Variants in RICTOR observed in about 807,000 individuals in gnomAD.
RICTOR encodes the protein RPTOR independent companion of MTOR complex 2.
Under a neutral mutation model 214.9 loss-of-function variants are expected in RICTOR, and 49 were observed. That is an observed-to-expected ratio of 0.23 (90% confidence interval 0.18 to 0.29). RICTOR has a LOEUF of 0.29. RICTOR is among the 10% of genes least tolerant of loss of function. RICTOR has a pLI of 1.00. For synonymous variants in RICTOR, 717 were observed against 711.3 expected, an observed-to-expected ratio of 1.01 and a Z score of -0.13; for missense variants, 1,625 against 2,047.0, an observed-to-expected ratio of 0.79 and a Z score of 3.98.
At chr5:38,986,373 A>G (rs933623798) in intron 7 of RICTOR, among the ~76,000 whole-genome samples, 2 of 152,182 alleles carry the variant, frequency 1.3e-5, no homozygotes, top group African/African-American at 2.4e-5. Context: ...CAAGGAGTTC[A>G]TAATAGTGTG....
At chr5:39,003,510 A>G (rs1196477779) in intron 4 of RICTOR, 48 bp downstream of exon 4, 1 of 1,207,854 alleles carries the variant, frequency 8.3e-7, no homozygotes, top group Non-Finnish European at 1.2e-6. Context: ...TAAAATTAAA[A>G]TTACTAAAAT....
At chr5:39,058,861 G>A (rs191770216) in intron 2 of RICTOR, among the ~76,000 whole-genome samples, 2 of 151,876 alleles carry the variant, frequency 1.3e-5, no homozygotes, top group East Asian at 3.9e-4. Flanking sequence ...CTGTAGTTTT[G>A]AAGTCTTTAT....
intron 2 of RICTOR, among the ~76,000 whole-genome samples, chr5:39,071,342 T>C (rs1422131663): frequency 1.3e-5 from 2 of 151,858 alleles, no homozygotes; most frequent in African/African-American, 2.4e-5. Flanking sequence ...TATAACAGTA[T>C]GTTTCAAAAA....
intron 2 of RICTOR, among the ~76,000 whole-genome samples, chr5:39,038,165 A>C (rs909732042): frequency 4.6e-5 from 7 of 152,224 alleles, no homozygotes; most frequent in Admixed American, 1.3e-4. Flanking sequence ...CTGGTTCAAC[A>C]TATGCAAATC....
Position 38,976,125 on chromosome 5 carries a change from GT to G in RICTOR, c.822-522del, listed in dbSNP as rs1052180149. Among the ~76,000 whole-genome samples, 77 of 152,266 alleles carry G rather than the reference GT, an allele frequency of 5.1e-4. 1 individual carries two copies. The highest frequency in any genetic ancestry group is 1.8e-3 in the African/African-American group (74 of 41,540). On this transcript the variant is annotated intron_variant, in intron 9 of 37. Transcript: ENST00000357387. ...TTCCTTGACAATTATGTACCCAACT[GT>G]TTCCATTATTCCCTCCTCTACAATA...
At chr5:39,026,098 G>A (rs984822318) in intron 2 of RICTOR, among the ~76,000 whole-genome samples, 4 of 152,306 alleles carry the variant, frequency 2.6e-5, no homozygotes, top group African/African-American at 9.6e-5. Context: ...ACGGATAACA[G>A]CACTACGTGA....
chr5:38,975,910 C>T (rs1751193256), intron 9 of RICTOR, among the ~76,000 whole-genome samples: 1 of 152,326 alleles, frequency 6.6e-6, no homozygotes, highest in South Asian at 2.1e-4. Flanking sequence ...TAATAAGCAT[C>T]TGTGGTACTA....
intron 3 of RICTOR, among the ~76,000 whole-genome samples, chr5:39,004,050 A>G (rs1217174145): frequency 3.3e-5 from 5 of 152,110 alleles, no homozygotes; most frequent in African/African-American, 9.7e-5. Flanking sequence ...TGTTTTTTCT[A>G]TCTTTTAAAA....
intron 2 of RICTOR, among the ~76,000 whole-genome samples, chr5:39,055,791 A>C (rs915886647): frequency 9.9e-5 from 15 of 152,232 alleles, no homozygotes; most frequent in African/African-American, 3.4e-4. Context: ...ACAGATTGGA[A>C]AAGAACAGAA....
intron 2 of RICTOR, among the ~76,000 whole-genome samples, chr5:39,045,650 G>A (rs1757436862): frequency 6.6e-6 from 1 of 152,020 alleles, no homozygotes; most frequent in African/African-American, 2.4e-5. Context: ...TTTATATATA[G>A]ATATCCAGTC....
chr5:39,058,524 A>G (rs1288218638), intron 2 of RICTOR, among the ~76,000 whole-genome samples: 5 of 152,132 alleles, frequency 3.3e-5, no homozygotes, highest in Non-Finnish European at 7.4e-5. Context: ...GGTATAAGAC[A>G]GTTCTAATGG....
At chr5:39,040,452 AACTT>A (rs1171175225) in intron 2 of RICTOR, among the ~76,000 whole-genome samples, 1 of 152,182 alleles carries the variant, frequency 6.6e-6, no homozygotes, top group East Asian at 1.9e-4. Flanking sequence ...TGTACCCTAA[AACTT>A]AAAGTATAAC....
At chr5:39,054,087 A>G (rs1758040540) in intron 2 of RICTOR, among the ~76,000 whole-genome samples, 1 of 152,184 alleles carries the variant, frequency 6.6e-6, no homozygotes, top group African/African-American at 2.4e-5. Context: ...GTCTCAAAAA[A>G]GAAAGAAAGA....
At chr5:38,949,323 G>C in intron 31 of RICTOR, 1 of 1,334,588 alleles carries the variant, frequency 7.5e-7, no homozygotes, top group Non-Finnish European at 1.0e-6. Flanking sequence ...AAATAATAAA[G>C]AGGTCAACTT....
chr5:39,020,552 AT>A (rs1323303914), intron 3 of RICTOR, among the ~76,000 whole-genome samples: 8 of 152,240 alleles, frequency 5.3e-5, no homozygotes, highest in African/African-American at 1.7e-4. Flanking sequence ...TTTTAAAAAC[AT>A]AATGCTATTG....
chr5:38,959,125 T>C, intron 22 of RICTOR, 70 bp downstream of exon 22: 1 of 1,227,270 alleles, frequency 8.1e-7, no homozygotes. Context: ...TAATTTTACT[T>C]AGCCCAAAAT....
Position 39,037,384 on chromosome 5 carries a change from AC to A in RICTOR, c.98-16249del, listed in dbSNP as rs1756801077. 4.6e-5 allele frequency among the ~76,000 whole-genome samples: 7 copies of A among 152,170 alleles called. No homozygotes were observed. In the South Asian group the frequency reaches 1.5e-3, roughly 32 times the overall value. On this transcript the variant is annotated intron_variant, in intron 2 of 37. Coordinates refer to ENST00000357387, the MANE Select transcript of RICTOR (RefSeq NM_152756.5). ...AAAGCAGGAAAGATCCAAAATTGAC[AC>A]CCTAACATCACAATTAAAAGAACTA... is the stretch of plus-strand genomic sequence containing the variant.
intron 2 of RICTOR, among the ~76,000 whole-genome samples, chr5:39,059,734 A>AT (rs539905070): frequency 1.3e-5 from 2 of 151,786 alleles, no homozygotes; most frequent in African/African-American, 2.4e-5. Context: ...ACTTTCTATG[A>AT]TTTTTTTTCC....
chr5:39,017,852 A>G (rs1426043940), intron 3 of RICTOR, among the ~76,000 whole-genome samples: 1 of 152,128 alleles, frequency 6.6e-6, no homozygotes, highest in East Asian at 1.9e-4. Context: ...GAATGTACAC[A>G]TACATTTACT....
Sources: gnomAD v4.1 joint callset for allele counts (sites outside exome capture counted in the v4.1 genomes callset) on GRCh38, gnomAD v4.1.1 for gene constraint, MANE v1.5 for transcripts, NCBI Gene and HGNC (gene_info 2026-07-23, HGNC 2026-07-21) for gene names.